PRKCE: variants seen among roughly 807,000 people sequenced by gnomAD.
PRKCE encodes protein kinase C epsilon.
A neutral mutation model predicts 85.4 loss-of-function variants in PRKCE; 16 were observed. That is an observed-to-expected ratio of 0.19 (90% CI 0.13 to 0.28). The LOEUF (loss-of-function observed/expected upper bound fraction) is 0.28, where lower values mean the gene tolerates loss of function less well. Ranked by LOEUF, PRKCE falls within the 10% of genes least tolerant of loss-of-function variation. The pLI, the probability that PRKCE is intolerant of heterozygous loss-of-function variation, is 1.00. For synonymous variants in PRKCE, 388 were observed against 371.5 expected (o/e 1.04, Z -0.51); for missense variants, 573 against 975.2 (o/e 0.59, Z 5.49).
intron 10 of PRKCE, among the ~76,000 whole-genome samples, chr2:46,011,168 C>T (rs1705639531): frequency 6.6e-6 from 1 of 152,038 alleles, no homozygotes; most frequent in Non-Finnish European, 1.5e-5. Flanking sequence ...ATTTTGTTAT[C>T]CTTTTTGAGG....
Position 46,068,026 on chromosome 2 carries a change from G to A in PRKCE, c.1438-18182G>A, listed in dbSNP as rs1050246180. ...CTGGCTTACTGATTATATCACTCGC[G>A]AAGGGATTAGTCAGAAGGCAATGGA... On this transcript the variant is annotated intron_variant, in intron 10 of 14. Transcript: ENST00000306156. This position sits in a 1 kb window ranked among gnomAD's most constrained non-coding sequence, Gnocchi z 4.3. 6.6e-6 allele frequency among the ~76,000 whole-genome samples: 1 copy of A among 152,104 alleles called. No homozygotes were observed. Among genetic ancestry groups the A allele is most frequent in the Non-Finnish European group, 1.5e-5 (1 of 68,028 alleles).
intron 1 of PRKCE, among the ~76,000 whole-genome samples, chr2:45,732,877 T>G (rs568647491): frequency 6.6e-6 from 1 of 152,328 alleles, no homozygotes; most frequent in Admixed American, 6.5e-5. Context: ...TAATTTTAGA[T>G]AAACAGGAGA....
chr2:45,925,787 C>G (rs1022206389), intron 2 of PRKCE, among the ~76,000 whole-genome samples: 2 of 152,204 alleles, frequency 1.3e-5, no homozygotes, highest in Non-Finnish European at 2.9e-5. Flanking sequence ...ATGTTGATGA[C>G]AGAAGGCTGC....
intron 1 of PRKCE, among the ~76,000 whole-genome samples, chr2:45,802,440 T>C (rs149483549): frequency 1.3e-5 from 2 of 152,322 alleles, no homozygotes; most frequent in East Asian, 3.9e-4. Flanking sequence ...CTTAAAGTGA[T>C]AGTATCTTAG....
rs547838911 is a variant in PRKCE at position 46,041,332 on chromosome 2, A to G, written c.1437+30815A>G. On this transcript the variant is annotated intron_variant, in intron 10 of 14. Coordinates refer to ENST00000306156, the MANE Select transcript of PRKCE (RefSeq NM_005400.3). This position sits in a 1 kb window ranked among gnomAD's most constrained non-coding sequence, Gnocchi z 5.5. ...GATTGGCTCATTGGTTTTTCCTTCC[A>G]TAAGTCAATATCTGATGCTTTGATT... is the stretch of plus-strand genomic sequence containing the variant. Among the ~76,000 whole-genome samples the G allele has an allele frequency of 1.7e-4, 26 of 152,344 alleles. No individual in the cohort carries two copies. Among genetic ancestry groups the G allele is most frequent in the Non-Finnish European group, 2.9e-4 (20 of 68,032 alleles).
rs776131358 is a variant in PRKCE, at chr2:45,980,381, G to T, written c.693G>T (p.Gln231His). Residue 231 changes from glutamine to histidine, a missense_variant and splice_region_variant, in exon 5 of 15, where the codon CAG becomes CAT. Coordinates refer to ENST00000306156, the MANE Select transcript of PRKCE (RefSeq NM_005400.3). ...AGLKKQETPD[Q>H]VGSQRFSVNM... ...TAAAGAAGCAGGAGACCCCCGACCA[G>T]GTAAGTGTTGGTGACACGGAAATTC... 1.9e-6 allele frequency: 3 copies of T among 1,599,644 alleles called. No homozygotes were observed. The highest frequency in any genetic ancestry group is 2.5e-6 in the Non-Finnish European group (3 of 1,179,890).
Position 46,010,515 on chromosome 2 carries a change from A to C in PRKCE, c.1435A>C (p.Lys479Gln), listed in dbSNP as rs1204342282. ...CCAACTCTACTGCTGCTTCCAGACC[A>C]AGGTATGTTAGGAAGAAGCTGGCTG... ...LTQLYCCFQT[K>Q]DRLFFVMEYV... The change falls in exon 10 of 15, where the codon AAG becomes CAG. Residue 479 changes from lysine to glutamine, a missense_variant and splice_region_variant. Physicochemically the swap from Lys to Gln is moderately conservative, Grantham distance 53 (BLOSUM62 1). Transcript: ENST00000306156. 6.3e-7 allele frequency: 1 copy of C among 1,599,318 alleles called. No individual in the cohort carries two copies. The highest frequency in any genetic ancestry group is 8.5e-7 in the Non-Finnish European group (1 of 1,179,766).
chr2:46,120,938 T>TA (rs2104327578), intron 11 of PRKCE, among the ~76,000 whole-genome samples: 1 of 152,318 alleles, frequency 6.6e-6, no homozygotes, highest in East Asian at 1.9e-4. Flanking sequence ...TCACAGCTGT[T>TA]ACGTTTGTTC....
intron 1 of PRKCE, among the ~76,000 whole-genome samples, chr2:45,728,593 C>CTTCT (rs1284590064): frequency 6.6e-6 from 1 of 152,162 alleles, no homozygotes; most frequent in Admixed American, 6.5e-5. Context: ...TAGTCACAGA[C>CTTCT]TTCTAGAGTG....
chr2:45,751,321 G>T (rs1336360853), intron 1 of PRKCE, among the ~76,000 whole-genome samples: 1 of 151,946 alleles, frequency 6.6e-6, no homozygotes, highest in Non-Finnish European at 1.5e-5. Context: ...TGTATATGTG[G>T]GTACCATCTG....
intron 2 of PRKCE, among the ~76,000 whole-genome samples, chr2:45,940,826 A>C (rs1699817531): frequency 6.6e-6 from 1 of 152,104 alleles, no homozygotes; most frequent in South Asian, 2.1e-4. Flanking sequence ...TGGGAAGCCA[A>C]AGCAGGCAGA....
At chr2:45,998,449 G>C (rs894129544) in intron 6 of PRKCE, among the ~76,000 whole-genome samples, 1 of 152,142 alleles carries the variant, frequency 6.6e-6, no homozygotes, top group African/African-American at 2.4e-5. Context: ...GAAGTCTGCT[G>C]GGTCTGAAAT....
intron 11 of PRKCE, among the ~76,000 whole-genome samples, chr2:46,109,141 C>T: frequency 6.6e-6 from 1 of 152,080 alleles, no homozygotes; most frequent in Admixed American, 6.6e-5. Context: ...AGTCCCCCAA[C>T]TTTCTTCTTC....
intron 10 of PRKCE, among the ~76,000 whole-genome samples, chr2:46,076,907 G>A (rs140354016): frequency 3.3e-5 from 5 of 152,280 alleles, no homozygotes; most frequent in East Asian, 3.9e-4. Flanking sequence ...TAAATACTAC[G>A]TGATACTACT....
chr2:45,773,466 G>A (rs1440981443), intron 1 of PRKCE, among the ~76,000 whole-genome samples: 1 of 152,158 alleles, frequency 6.6e-6, no homozygotes, highest in Non-Finnish European at 1.5e-5. Flanking sequence ...TTGTGCAGAC[G>A]AAGAAGCCAA....
intron 14 of PRKCE, chr2:46,166,663 T>A (rs1328125492): frequency 6.6e-6 from 1 of 152,204 alleles, no homozygotes; most frequent in Non-Finnish European, 1.5e-5. Flanking sequence ...TCTGTAAAAT[T>A]GGGATACTAT....
intron 14 of PRKCE, among the ~76,000 whole-genome samples, chr2:46,174,858 T>G (rs1417643929): frequency 6.6e-6 from 1 of 151,918 alleles, no homozygotes; most frequent in East Asian, 1.9e-4. Flanking sequence ...TCTGGCTAAT[T>G]TTTGTATTTT....
chr2:46,000,019 A>G (rs990881760), intron 6 of PRKCE, among the ~76,000 whole-genome samples: 2 of 152,322 alleles, frequency 1.3e-5, no homozygotes, highest in Non-Finnish European at 2.9e-5. Flanking sequence ...TACATTATCC[A>G]TTAGAACCCT....
intron 1 of PRKCE, among the ~76,000 whole-genome samples, chr2:45,717,599 G>A (rs531293206): frequency 2.9e-4 from 44 of 152,326 alleles, no homozygotes; most frequent in Non-Finnish European, 5.9e-4. Context: ...GCAAGAAGAG[G>A]ATCCTGAGGC....
Sources: allele counts gnomAD v4.1 joint callset (sites outside exome capture counted in the v4.1 genomes callset), GRCh38; gene constraint gnomAD v4.1.1; non-coding constraint Gnocchi (gnomAD v3.1); transcripts MANE v1.5; gene names NCBI Gene and HGNC (gene_info 2026-07-23, HGNC 2026-07-21).